Variants in SRP54 observed in about 807,000 individuals in gnomAD.
SRP54 encodes signal recognition particle subunit SRP54.
Under a neutral mutation model 64.8 loss-of-function variants are expected in SRP54, and 10 were observed. The ratio of observed to expected loss-of-function variants is 0.15; its 90% CI spans 0.10 to 0.26. The LOEUF is 0.26. Among genes scored for constraint, SRP54 ranks in the 10% least tolerant of loss-of-function variants. SRP54 has a pLI of 1.00. For missense variants in SRP54, 325 were observed against 613.7 expected (o/e 0.53, Z 4.97); for synonymous variants, 193 against 185.6 (o/e 1.04, Z -0.32).
chr14:35,018,537 G>T, intron 11 of SRP54, 155 bp from the exon 12 acceptor site: 1 of 623,350 alleles, frequency 1.6e-6, no homozygotes. Context: ...CATTCATCCT[G>T]TCATCTTGCA....
At chr14:35,017,334 A>C (rs1217386688) in intron 11 of SRP54, among the ~76,000 whole-genome samples, 1 of 152,034 alleles carries the variant, frequency 6.6e-6, no homozygotes, top group Non-Finnish European at 1.5e-5. Context: ...CCTAATTTCC[A>C]CATGTAGTGA....
intron 1 of SRP54, among the ~76,000 whole-genome samples, chr14:34,985,528 C>A (rs2138954212): frequency 6.6e-6 from 1 of 152,326 alleles, no homozygotes; most frequent in African/African-American, 2.4e-5. Context: ...AAGGCCACAT[C>A]TTGTCTCAAC....
chr14:34,995,188 T>TGTGTGTGTGTGTGTAG (rs1555353238), intron 1 of SRP54, among the ~76,000 whole-genome samples: 15 of 79,908 alleles, frequency 1.9e-4, no homozygotes, highest in African/African-American at 6.7e-4. Context: ...TGTGTGTGTG[T>TGTGTGTGTGTGTGTAG]AGAGAGAGAG....
intron 4 of SRP54, among the ~76,000 whole-genome samples, chr14:35,003,632 G>C (rs2044212255): frequency 6.7e-6 from 1 of 149,120 alleles, no homozygotes; most frequent in South Asian, 2.1e-4. Flanking sequence ...GCAGTGGTGT[G>C]ATCATGGCTT....
At chr14:35,013,244 T>C (rs2044384320) in intron 8 of SRP54, 102 bp from the exon 9 acceptor site, 1 of 1,141,980 alleles carries the variant, frequency 8.8e-7, no homozygotes, top group Non-Finnish European at 1.2e-6. Context: ...CATGAGCCAC[T>C]GCACCTGGCT....
At chr14:34,987,302 CAT>C (rs1409051294) in intron 1 of SRP54, among the ~76,000 whole-genome samples, 1,548 of 115,342 alleles carry the variant, frequency 0.013, 58 homozygotes, top group Admixed American at 0.083. Context: ...CACACACACA[CAT>C]AATTCTTAGT....
chr14:34,996,064 CAAAA>C (rs201959550), intron 1 of SRP54, among the ~76,000 whole-genome samples: 1 of 119,566 alleles, frequency 8.4e-6, no homozygotes, highest in Non-Finnish European at 1.7e-5. Flanking sequence ...GACCCTGTCT[CAAAA>C]AAAAAAAAAA....
intron 1 of SRP54, among the ~76,000 whole-genome samples, chr14:34,988,971 C>G (rs1053187595): frequency 6.6e-6 from 1 of 151,912 alleles, no homozygotes; most frequent in Admixed American, 6.6e-5. Context: ...TATTTATATC[C>G]TTAAGAAAAT....
In SRP54 at chr14:35,023,154, ATTGGAAAATTC is replaced by A. The variant is rs1256456677; in HGVS notation, c.1327+75_1327+85del. On this transcript the variant is annotated intron_variant, in intron 14 of 15. Transcript: ENST00000216774. ...GTTGAGAAAAAAGAGTGCTGCCAGT[ATTGGAAAATTC>A]ACAGCTGAATTTCATGTTATTTTCA... 2.4e-5 allele frequency: 31 copies of A among 1,293,738 alleles called. No homozygotes were observed. The East Asian group carries it at 7.1e-4, about 30-fold the overall frequency. 80.1% of individuals were successfully genotyped at this position (1,293,738 alleles called of 1,614,324 possible). A position where few individuals can be genotyped will look rare whatever the true frequency, so the allele number is the denominator to read the frequency against.
At chr14:35,001,718 C>A (rs1270984445) in intron 4 of SRP54, among the ~76,000 whole-genome samples, 1 of 152,006 alleles carries the variant, frequency 6.6e-6, no homozygotes. Flanking sequence ...TTGCAAAGAC[C>A]ATGTATCCCA....
rs141631887 is a variant in SRP54 at position 34,995,896 on chromosome 14, G to A, written c.-33-781G>A. 3.0e-3 allele frequency among the ~76,000 whole-genome samples: 457 copies of A among 152,010 alleles called. 2 individuals carry two copies. Among genetic ancestry groups the A allele is most frequent in the African/African-American group, 0.011 (438 of 41,480 alleles). On this transcript the variant is annotated intron_variant, in intron 1 of 15. Coordinates refer to ENST00000216774, the MANE Select transcript of SRP54 (RefSeq NM_003136.4). ...TGGCAACATAACATAGTGAGACCCC[G>A]TCTCTACAGATAATAAAAATTAGCT...
chr14:34,995,169 G>C (rs1490320279), intron 1 of SRP54, among the ~76,000 whole-genome samples: 3 of 122,502 alleles, frequency 2.4e-5, no homozygotes, highest in Admixed American at 8.1e-5. Context: ...GTGTGTGTGT[G>C]TGTGTGTGTG....
chr14:34,995,357 A>T (rs1448747642), intron 1 of SRP54, among the ~76,000 whole-genome samples: 4 of 152,062 alleles, frequency 2.6e-5, no homozygotes, highest in Non-Finnish European at 5.9e-5. Context: ...CTGAGAACTC[A>T]GAGAGCCATT....
intron 4 of SRP54, among the ~76,000 whole-genome samples, chr14:35,006,366 ACT>A (rs2044258105): frequency 6.6e-6 from 1 of 152,036 alleles, no homozygotes; most frequent in Non-Finnish European, 1.5e-5. Context: ...GGACATTAGC[ACT>A]CTCGAGTATG....
At chr14:34,987,272 T>TGA (rs2043913800) in intron 1 of SRP54, among the ~76,000 whole-genome samples, 1 of 105,246 alleles carries the variant, frequency 9.5e-6, no homozygotes, top group South Asian at 3.1e-4. Flanking sequence ...TGTGTGTGTG[T>TGA]GTGTATATAT....
At chr14:34,984,249 A>C (rs1321616291) in intron 1 of SRP54, among the ~76,000 whole-genome samples, 1 of 152,216 alleles carries the variant, frequency 6.6e-6, no homozygotes, top group African/African-American at 2.4e-5. Context: ...ACAGGATTAC[A>C]GTAAGATAAC....
At chr14:35,007,470 A>G in intron 5 of SRP54, 83 bp downstream of exon 5, 1 of 568,284 alleles carries the variant, frequency 1.8e-6, no homozygotes, top group Non-Finnish European at 2.7e-6. Flanking sequence ...TAAAAATGTA[A>G]AGCCTGGCTT....
rs781030061 is a variant in SRP54 at position 35,022,983 on chromosome 14, G to C, written c.1230G>C (p.Ser410=). ...PGRIQRVARG[S]GVSTRDVQEL... ...GAATCCAAAGAGTAGCAAGAGGATC[G>C]GGTGTATCAACAAGAGATGTTCAAG... Residue 410 remains serine (S), a synonymous_variant, in exon 14 of 16, where the codon TCG becomes TCC. Coordinates refer to ENST00000216774, the MANE Select transcript of SRP54 (RefSeq NM_003136.4). The C allele has an allele frequency of 1.2e-6, 2 of 1,613,732 alleles. No individual in the cohort carries two copies. The highest frequency in any genetic ancestry group is 8.5e-7 in the Non-Finnish European group (1 of 1,179,932).
At chr14:35,001,175 CTTT>C (rs10637082) in intron 4 of SRP54, among the ~76,000 whole-genome samples, 155 bp downstream of exon 4, 1 of 129,464 alleles carries the variant, frequency 7.7e-6, no homozygotes. Context: ...TCTTAGGGAC[CTTT>C]TTTTTTTTTT....
Sources: gnomAD v4.1 joint callset for allele counts (sites outside exome capture counted in the v4.1 genomes callset) on GRCh38, gnomAD v4.1.1 for gene constraint, MANE v1.5 for transcripts, NCBI Gene and HGNC (gene_info 2026-07-23, HGNC 2026-07-21) for gene names.